The following NDRG2 variants were observed in gnomAD, a reference collection of about 807,000 sequenced individuals.
NDRG2 encodes the protein protein NDRG2.
A neutral mutation model predicts 58.2 loss-of-function variants in NDRG2; 34 were observed. The ratio of observed to expected loss-of-function variants is 0.58; its 90% CI spans 0.44 to 0.78. The LOEUF (loss-of-function observed/expected upper bound fraction) is 0.78, where lower values mean the gene tolerates loss of function less well. NDRG2 is among the 30% of genes least tolerant of loss of function. The pLI is 0.00. For missense variants in NDRG2, 434 were observed against 471.2 expected, an observed-to-expected ratio of 0.92 and a Z score of 0.73; for synonymous variants, 187 against 175.9, an observed-to-expected ratio of 1.06 and a Z score of -0.50.
intron 1 of NDRG2, among the ~76,000 whole-genome samples, chr14:21,067,752 G>C (rs1311362682): frequency 1.2e-5 from 1 of 80,304 alleles, no homozygotes; most frequent in East Asian, 3.0e-4. Context: ...ACTCTGTTGT[G>C]TACACACGTA....
At chr14:21,044,660 G>A (rs926448856) in intron 1 of NDRG2, among the ~76,000 whole-genome samples, 1 of 152,192 alleles carries the variant, frequency 6.6e-6, no homozygotes, top group East Asian at 1.9e-4. Context: ...GCTGGAGAAG[G>A]TATGGCTTGG....
At chr14:21,030,805 T>C, upstream of NDRG2, 2 of 1,597,530 alleles carry the variant, frequency 1.3e-6, no homozygotes, top group South Asian at 1.1e-5. Flanking sequence ...TGCGAGGTAG[T>C]TGGCCACGGA....
Position 21,046,542 on chromosome 14 carries a change from A to AATACATAC in NDRG2, c.25-23229_25-23222dup, listed in dbSNP as rs71112542. On this transcript the variant is annotated intron_variant, in intron 1 of 14. Transcript: ENST00000403829. ...CAGAATGAGAGCCTGTCTCAAAACA[A>AATACATAC]ATACATACATACATACATACATACA... Among the ~76,000 whole-genome samples, 664 of 110,040 alleles carry AATACATAC rather than the reference A, an allele frequency of 6.0e-3. 12 individuals are homozygous for AATACATAC. The highest frequency in any genetic ancestry group is 4.8e-3 in the Admixed American group (49 of 10,132). The allele number at this position is 110,040 out of a possible 152,430, so 72.2% of individuals were successfully genotyped here. A position where few individuals can be genotyped will look rare whatever the true frequency, so the allele number is the denominator to read the frequency against.
chr14:21,032,993 C>T (rs1457794286), intron 1 of NDRG2: 1 of 455,958 alleles, frequency 2.2e-6, no homozygotes, highest in Non-Finnish European at 4.4e-6. Context: ...GCCTCATTCG[C>T]TGCCTGGTCA....
chr14:21,062,400 C>G (rs1393296914), intron 1 of NDRG2, among the ~76,000 whole-genome samples: 1 of 152,178 alleles, frequency 6.6e-6, no homozygotes, highest in Non-Finnish European at 1.5e-5. Context: ...GAACCTGGAC[C>G]TCTGTCTCTC....
In NDRG2 at chr14:21,070,364, G is replaced by C. The variant is rs1886611797; in HGVS notation, c.24+464C>G. The C allele has an allele frequency of 1.4e-6, 2 of 1,406,186 alleles. No homozygotes were observed. Among genetic ancestry groups the C allele is most frequent in the East Asian group, 6.1e-5 (2 of 32,718 alleles). 87.1% of individuals were successfully genotyped at this position (1,406,186 alleles called of 1,614,324 possible). On this transcript the variant is annotated intron_variant, in intron 1 of 14. Transcript: ENST00000403829. This position sits in a 1 kb window ranked among gnomAD's most constrained non-coding sequence, Gnocchi z 4.7. ...GTGGCGCGCCCGGCCCCGCCCGCCC[G>C]ACCAAGCGTCGGACGCGGCCCGGCG...
intron 14 of NDRG2, 41 bp from the exon 15 acceptor site, chr14:21,018,079 G>A (rs768928444): frequency 1.9e-6 from 3 of 1,608,452 alleles, no homozygotes; most frequent in Non-Finnish European, 2.6e-6. Flanking sequence ...GTGAGATGAG[G>A]TTAGAGGAAG....
At position 21,070,368 on chromosome 14, in the gene NDRG2, A is replaced by G; in HGVS notation, c.24+460T>C. ...CGCGCCCGGCCCCGCCCGCCCGACCAAGCGTCGGACGCGGCCCGGCGCCGA... is the reference window on the plus strand; with the variant it reads ...CGCGCCCGGCCCCGCCCGCCCGACCGAGCGTCGGACGCGGCCCGGCGCCGA... On this transcript the variant is annotated intron_variant, in intron 1 of 14. Coordinates refer to the NDRG2 transcript ENST00000403829. The surrounding 1 kb of genome is among the most constrained non-coding windows in gnomAD (Gnocchi z 4.7). The G allele has an allele frequency of 2.1e-6, 3 of 1,407,888 alleles. No individual in the cohort carries two copies. The highest frequency in any genetic ancestry group is 3.0e-5 in the East Asian group (1 of 32,820). The allele number at this position is 1,407,888 out of a possible 1,614,324, so 87.2% of individuals were successfully genotyped here.
intron 1 of NDRG2, among the ~76,000 whole-genome samples, chr14:21,065,249 A>G (rs1453928063): frequency 6.6e-6 from 1 of 151,968 alleles, no homozygotes; most frequent in Non-Finnish European, 1.5e-5. Flanking sequence ...CCAACAGACA[A>G]ACAAACAAAC....
upstream of NDRG2, chr14:21,028,930 C>T (rs1037691198): frequency 2.0e-5 from 3 of 152,202 alleles, no homozygotes; most frequent in Non-Finnish European, 4.4e-5. Flanking sequence ...AGTCTCGTTG[C>T]TCTGTTTTAG....
At chr14:21,025,154 C>G, upstream of NDRG2, 1 of 960,124 alleles carries the variant, frequency 1.0e-6, no homozygotes, top group Non-Finnish European at 1.2e-6. The surrounding 1 kb of genome is among the most constrained non-coding windows in gnomAD (Gnocchi z 5.1). Context: ...TCCCCGCAGA[C>G]CCGCCCCAGA....
At chr14:21,022,529 T>A (rs1174975034) in intron 3 of NDRG2, 32 bp from the exon 4 acceptor site, 2 of 1,545,428 alleles carry the variant, frequency 1.3e-6, no homozygotes, top group Admixed American at 3.4e-5. Context: ...AGAGCTAGGC[T>A]CAGAGGAGAC....
At chr14:21,048,873 A>G (rs1175732556) in intron 1 of NDRG2, among the ~76,000 whole-genome samples, 1 of 152,218 alleles carries the variant, frequency 6.6e-6, no homozygotes, top group African/African-American at 2.4e-5. Context: ...CCAAGAGTAG[A>G]TAAGGGAAGG....
At chr14:21,037,624 C>T (rs1466657196) in intron 1 of NDRG2, among the ~76,000 whole-genome samples, 1 of 152,236 alleles carries the variant, frequency 6.6e-6, no homozygotes, top group African/African-American at 2.4e-5. Context: ...GTAAATAACA[C>T]TGAGGTTGTG....
At chr14:21,045,335 A>G (rs1001766144) in intron 1 of NDRG2, among the ~76,000 whole-genome samples, 3 of 152,196 alleles carry the variant, frequency 2.0e-5, no homozygotes, top group Non-Finnish European at 2.9e-5. Context: ...CAATAAGTGG[A>G]TGAGTTGGTC....
chr14:21,019,424 A>G (rs1226778376), intron 10 of NDRG2, among the ~76,000 whole-genome samples: 2 of 152,314 alleles, frequency 1.3e-5, no homozygotes, highest in South Asian at 2.1e-4. Context: ...TGGGAGTCCA[A>G]TAATCCAAAG....
intron 1 of NDRG2, among the ~76,000 whole-genome samples, chr14:21,059,641 C>T (rs956297803): frequency 2.6e-5 from 4 of 152,020 alleles, no homozygotes; most frequent in African/African-American, 9.7e-5. Flanking sequence ...ACTACACGTG[C>T]AAGCATGGCA....
chr14:21,034,165 C>T (rs1243515733), intron 1 of NDRG2: 1 of 1,614,006 alleles, frequency 6.2e-7, no homozygotes, highest in African/African-American at 1.3e-5. Flanking sequence ...GGGTAGTTAA[C>T]CCTGGGATAG....
rs955576945 is a variant in NDRG2 at position 21,070,265 on chromosome 14, G to C, written c.24+563C>G. On this transcript the variant is annotated intron_variant, in intron 1 of 14. Transcript: ENST00000403829. The surrounding 1 kb of genome is among the most constrained non-coding windows in gnomAD (Gnocchi z 4.7). ...GGCCCCGCGGCCTGGAAGCCGGAGCGGGCCGAGCCGCCACCGCGGCCGGAG... is the reference window on the plus strand; with the variant it reads ...GGCCCCGCGGCCTGGAAGCCGGAGCCGGCCGAGCCGCCACCGCGGCCGGAG... 1 of 1,001,756 alleles carries C rather than the reference G, an allele frequency of 1.0e-6. No individual in the cohort carries two copies. The highest frequency in any genetic ancestry group is 1.3e-6 in the Non-Finnish European group (1 of 791,224). The allele number at this position is 1,001,756 out of a possible 1,614,324, so 62.1% of individuals were successfully genotyped here.
Sources: gnomAD v4.1 joint callset for allele counts (sites outside exome capture counted in the v4.1 genomes callset) on GRCh38, gnomAD v4.1.1 for gene constraint, Gnocchi (gnomAD v3.1) non-coding constraint, MANE v1.5 for transcripts, NCBI Gene and HGNC (gene_info 2026-07-23, HGNC 2026-07-21) for gene names.